The following LRRC37A2 variants were observed in gnomAD, a reference collection of about 807,000 sequenced individuals.
The protein encoded by LRRC37A2 is leucine rich repeat containing 37 member A2, also known as leucine-rich repeat-containing protein 37A2.
LRRC37A2 carries 9 observed loss-of-function variants against 68.8 expected under a neutral mutation model. The ratio of observed to expected loss-of-function variants is 0.13; its 90% confidence interval spans 0.08 to 0.23. The LOEUF (loss-of-function observed/expected upper bound fraction) is 0.23, where lower values mean the gene tolerates loss of function less well. Among genes scored for constraint, LRRC37A2 ranks in the 10% least tolerant of loss-of-function variants. LRRC37A2 has a pLI of 1.00. For synonymous variants in LRRC37A2, 63 were observed against 367.6 expected, an observed-to-expected ratio of 0.17 and a Z score of 9.48; for missense variants, 168 against 950.4, an observed-to-expected ratio of 0.18 and a Z score of 10.82.
the LRRC37A2 span, among the ~76,000 whole-genome samples, chr17:46,850,843 C>T: frequency 1.8e-4 from 27 of 152,340 alleles, no homozygotes; most frequent in African/African-American, 6.5e-4. Context: ...GTCCCTCCTC[C>T]CGCAGGGCTC....
the LRRC37A2 span, among the ~76,000 whole-genome samples, chr17:46,912,035 T>G: frequency 6.6e-6 from 1 of 152,128 alleles, no homozygotes; most frequent in Admixed American, 6.6e-5. Context: ...TCGCTTGATG[T>G]GACACACAAG....
At chr17:47,001,717 CT>C in the LRRC37A2 span, among the ~76,000 whole-genome samples, 1,037 of 108,564 alleles carry the variant, frequency 9.6e-3, 1 homozygote, top group African/African-American at 0.024. Context: ...CTCTTTTTTC[CT>C]TTTTTTTTTT....
the LRRC37A2 span, among the ~76,000 whole-genome samples, chr17:47,037,686 A>G: frequency 1.3e-5 from 2 of 152,192 alleles, no homozygotes; most frequent in African/African-American, 4.8e-5. Context: ...AGACTTTATG[A>G]AGGATTGGTG....
the LRRC37A2 span, among the ~76,000 whole-genome samples, chr17:46,753,161 G>C: frequency 6.6e-6 from 1 of 152,070 alleles, no homozygotes; most frequent in Non-Finnish European, 1.5e-5. Context: ...GTGTTACTAG[G>C]TGTTACTAGG....
chr17:46,750,699 T>C, the LRRC37A2 span, among the ~76,000 whole-genome samples: 2 of 152,208 alleles, frequency 1.3e-5, no homozygotes, highest in African/African-American at 4.8e-5. Context: ...GTGATGTATA[T>C]AGATTACTTG....
At chr17:46,938,033 A>G in the LRRC37A2 span, 3 of 172,712 alleles carry the variant, frequency 1.7e-5, no homozygotes, top group Non-Finnish European at 2.5e-5. Flanking sequence ...ACACCTGGCT[A>G]ATTTTTTTTT....
chr17:46,943,247 G>C, the LRRC37A2 span, among the ~76,000 whole-genome samples: 5 of 152,178 alleles, frequency 3.3e-5, no homozygotes, highest in African/African-American at 1.2e-4. Context: ...GGATCAGAAG[G>C]AGCCAGATCC....
At chr17:46,657,601 G>A in the LRRC37A2 span, among the ~76,000 whole-genome samples, 195 of 126,770 alleles carry the variant, frequency 1.5e-3, 1 homozygote, top group Non-Finnish European at 2.7e-3. Context: ...CATTCTTCAA[G>A]TTTCAGCTTG....
At chr17:46,920,430 T>TG in the LRRC37A2 span, among the ~76,000 whole-genome samples, 1 of 152,038 alleles carries the variant, frequency 6.6e-6, no homozygotes, top group African/African-American at 2.4e-5. Flanking sequence ...ATAGAAAAAG[T>TG]GAAAAAAATA....
chr17:46,913,033 C>T, the LRRC37A2 span, among the ~76,000 whole-genome samples: 5 of 152,194 alleles, frequency 3.3e-5, no homozygotes, highest in Admixed American at 6.5e-5. Flanking sequence ...TCCCATGAGG[C>T]GGATGGGAGC....
chr17:46,996,763 G>A, the LRRC37A2 span, among the ~76,000 whole-genome samples: 1 of 152,248 alleles, frequency 6.6e-6, no homozygotes, highest in Non-Finnish European at 1.5e-5. Flanking sequence ...CTCCCGCTCA[G>A]GCCTCCCAAA....
the LRRC37A2 span, among the ~76,000 whole-genome samples, chr17:46,975,949 C>T: frequency 6.6e-6 from 1 of 151,930 alleles, no homozygotes. Flanking sequence ...GTTTTGGAGA[C>T]GGAGTCTAGC....
At chr17:46,909,612 C>A in the LRRC37A2 span, 1 of 152,252 alleles carries the variant, frequency 6.6e-6, no homozygotes, top group Non-Finnish European at 1.5e-5. Context: ...TGGCTAACAG[C>A]TAGCGTATTG....
the LRRC37A2 span, among the ~76,000 whole-genome samples, chr17:46,656,958 CAAAAAAA>C: frequency 4.7e-4 from 1 of 2,146 alleles, no homozygotes; most frequent in African/African-American, 5.2e-4. Flanking sequence ...TACATAGAAC[CAAAAAAA>C]AAAAAAAAAG....
At chr17:46,929,406 G>T in the LRRC37A2 span, 16 of 724,492 alleles carry the variant, frequency 2.2e-5, no homozygotes, top group Non-Finnish European at 3.5e-5. Flanking sequence ...TTACAGTTCA[G>T]TGATGCTGTC....
chr17:46,978,600 G>A, the LRRC37A2 span: 5 of 1,538,936 alleles, frequency 3.2e-6, no homozygotes, highest in Non-Finnish European at 4.4e-6. Flanking sequence ...GGGTCTCCGG[G>A]GTCCTTCTTG....
At chr17:47,047,183 C>T in the LRRC37A2 span, 2 of 154,508 alleles carry the variant, frequency 1.3e-5, no homozygotes, top group Admixed American at 2.4e-4. Context: ...CCTCTGCCAA[C>T]TTAAAAACAG....
chr17:46,923,181 G>C, the LRRC37A2 span: 1,521,956 of 1,536,014 alleles, frequency 0.99, 755,025 homozygotes, highest in East Asian at 1. Flanking sequence ...CGTGGCCTGC[G>C]GGGCCGGCGA....
chr17:46,923,529 A>C, the LRRC37A2 span: 1 of 1,347,682 alleles, frequency 7.4e-7, no homozygotes, highest in Non-Finnish European at 9.5e-7. Flanking sequence ...TTTGTCCAGC[A>C]CTTGTCAACT....
Sources: allele counts gnomAD v4.1 joint callset (sites outside exome capture counted in the v4.1 genomes callset), GRCh38; gene constraint gnomAD v4.1.1; transcripts MANE v1.5; gene names NCBI Gene and HGNC (gene_info 2026-07-23, HGNC 2026-07-21).